The following FNDC3B variants were observed in gnomAD, a reference collection of about 807,000 sequenced individuals.
The protein encoded by FNDC3B is fibronectin type III domain containing 3B, also known as fibronectin type III domain-containing protein 3B.
In FNDC3B, 12 loss-of-function variants were observed where a neutral mutation model predicts 151.5. The observed-to-expected ratio is 0.08, with a 90% CI of 0.05 to 0.13. The LOEUF (loss-of-function observed/expected upper bound fraction) is 0.13. Among genes scored for constraint, FNDC3B ranks in the 10% least tolerant of loss-of-function variants. The probability of loss-of-function intolerance (pLI) is 1.00; values close to 1 mark genes in which losing one functional copy is unlikely to be tolerated. For missense variants in FNDC3B, 1,214 were observed against 1,505.3 expected, an observed-to-expected ratio of 0.81 and a Z score of 3.20; for synonymous variants, 528 against 549.0, an observed-to-expected ratio of 0.96 and a Z score of 0.54.
At chr3:172,099,087 G>A (rs1302541683) in intron 1 of FNDC3B, among the ~76,000 whole-genome samples, 1 of 152,212 alleles carries the variant, frequency 6.6e-6, no homozygotes, top group Admixed American at 6.5e-5. Context: ...ATAGCGGCCA[G>A]TGGAAAATTA....
chr3:172,165,527 T>C (rs928609018), intron 3 of FNDC3B, among the ~76,000 whole-genome samples: 1 of 152,218 alleles, frequency 6.6e-6, no homozygotes, highest in African/African-American at 2.4e-5. Flanking sequence ...CAAAATATAG[T>C]TTATTGTTCC....
intron 25 of FNDC3B, among the ~76,000 whole-genome samples, chr3:172,392,349 T>C (rs1476075940): frequency 6.6e-6 from 1 of 152,178 alleles, no homozygotes; most frequent in Non-Finnish European, 1.5e-5. Flanking sequence ...AAAAGCAAGA[T>C]AAATCTGGAA....
At chr3:172,246,538 G>A (rs1001030911) in intron 4 of FNDC3B, among the ~76,000 whole-genome samples, 23 of 152,214 alleles carry the variant, frequency 1.5e-4, no homozygotes, top group African/African-American at 5.3e-4. Context: ...TGGCCACAGA[G>A]GCAATAAATA....
chr3:172,324,433 C>A (rs1408787647), intron 11 of FNDC3B, among the ~76,000 whole-genome samples: 3 of 152,162 alleles, frequency 2.0e-5, no homozygotes, highest in East Asian at 3.9e-4. Context: ...AGGTTGAGTG[C>A]GAAGAGGAAC....
chr3:172,320,645 C>T (rs531740764), intron 11 of FNDC3B, among the ~76,000 whole-genome samples: 1 of 152,268 alleles, frequency 6.6e-6, no homozygotes, highest in East Asian at 1.9e-4. Context: ...GTTGGAAATA[C>T]CCACTTCTAG....
intron 3 of FNDC3B, among the ~76,000 whole-genome samples, chr3:172,213,263 T>C (rs1286798549): frequency 6.6e-6 from 1 of 152,224 alleles, no homozygotes; most frequent in Non-Finnish European, 1.5e-5. Flanking sequence ...GTTTTACTCA[T>C]CTAAAAGTGA....
chr3:172,270,071 G>A (rs79694321), intron 6 of FNDC3B, among the ~76,000 whole-genome samples: 4,374 of 152,304 alleles, frequency 0.029, 209 homozygotes, highest in African/African-American at 0.1. Flanking sequence ...ATCAATTATT[G>A]TGAGACAAGT....
rs1355705002 is a variant in FNDC3B, at chr3:172,186,789, T to C, written c.188-40082T>C. ...CCCCCTTACCTTGTTCTCTCTCATG[T>C]TTCATGATCTGTGTCATAGATATTT... On this transcript the variant is annotated intron_variant, in intron 3 of 25. Transcript: ENST00000415807. 4.3e-6 allele frequency: 3 copies of C among 700,124 alleles called. No individual in the cohort carries two copies. The South Asian group carries it at 4.5e-5, about 10-fold the overall frequency. The allele number at this position is 700,124 out of a possible 1,614,324, so 43.4% of individuals were successfully genotyped here. A position where few individuals can be genotyped will look rare whatever the true frequency, so the allele number is the denominator to read the frequency against.
chr3:172,042,120 T>C (rs1468555376), intron 1 of FNDC3B, among the ~76,000 whole-genome samples: 1 of 152,238 alleles, frequency 6.6e-6, no homozygotes, highest in Non-Finnish European at 1.5e-5. Context: ...ATTTAAAAGA[T>C]GCTAAAACTG....
chr3:172,227,228 G>T, intron 4 of FNDC3B: 1 of 269,328 alleles, frequency 3.7e-6, no homozygotes, highest in Non-Finnish European at 7.0e-6. Flanking sequence ...GGAGTCTCCT[G>T]CTTCAGACAT....
intron 4 of FNDC3B, among the ~76,000 whole-genome samples, chr3:172,236,043 G>T (rs1030356450): frequency 6.6e-6 from 1 of 152,164 alleles, no homozygotes; most frequent in African/African-American, 2.4e-5. Context: ...GCCATCAAAT[G>T]TCTACTTACT....
chr3:172,218,683 G>A (rs1464868207), intron 3 of FNDC3B, among the ~76,000 whole-genome samples: 1 of 152,152 alleles, frequency 6.6e-6, no homozygotes, highest in African/African-American at 2.4e-5. Context: ...CATCCCTTTT[G>A]GTAGGCCAGT....
At chr3:172,361,922 T>G (rs1035963969) in intron 22 of FNDC3B, among the ~76,000 whole-genome samples, 1 of 152,190 alleles carries the variant, frequency 6.6e-6, no homozygotes, top group African/African-American at 2.4e-5. Context: ...TCCTCCTGCC[T>G]CGGCTTCTCA....
intron 7 of FNDC3B, among the ~76,000 whole-genome samples, chr3:172,288,462 G>T (rs1340887295): frequency 6.6e-6 from 1 of 152,214 alleles, no homozygotes; most frequent in East Asian, 1.9e-4. Context: ...TCAGTCAAAA[G>T]ATAACATTTC....
At chr3:172,043,882 A>G (rs1468428874) in intron 1 of FNDC3B, among the ~76,000 whole-genome samples, 1 of 152,256 alleles carries the variant, frequency 6.6e-6, no homozygotes, top group Non-Finnish European at 1.5e-5. Flanking sequence ...AAGAGTACAA[A>G]TAGGAAGCAA....
Position 172,397,686 on chromosome 3 carries a change from A to C in FNDC3B, c.*211A>C. 1 of 198,344 alleles carries C rather than the reference A, an allele frequency of 5.0e-6. No individual in the cohort carries two copies. The highest frequency in any genetic ancestry group is 7.8e-6 in the Non-Finnish European group (1 of 128,834). The allele number at this position is 198,344 out of a possible 1,614,324, so 12.3% of individuals were successfully genotyped here. On this transcript the variant is annotated 3_prime_UTR_variant, in exon 26 of 26. Coordinates refer to ENST00000415807, the MANE Select transcript of FNDC3B (RefSeq NM_022763.4). ...CTGGATTTTTTTTTTTAAAAAAAAGAAAAAAAAAGAAGAAAAGTATACCAG... is the reference window on the plus strand; with the variant it reads ...CTGGATTTTTTTTTTTAAAAAAAAGCAAAAAAAAGAAGAAAAGTATACCAG...
chr3:172,064,154 T>C (rs1717369768), intron 1 of FNDC3B, among the ~76,000 whole-genome samples: 1 of 152,002 alleles, frequency 6.6e-6, no homozygotes, highest in South Asian at 2.1e-4. Context: ...AATAGATAGA[T>C]AGATTAGATA....
intron 3 of FNDC3B, among the ~76,000 whole-genome samples, chr3:172,156,600 A>G (rs932027587): frequency 2.6e-5 from 4 of 152,216 alleles, no homozygotes; most frequent in Admixed American, 2.6e-4. Flanking sequence ...AAGATCTTCA[A>G]CGTTTCTTTG....
intron 21 of FNDC3B, among the ~76,000 whole-genome samples, chr3:172,351,622 T>G (rs1021220894): frequency 1.8e-4 from 27 of 152,208 alleles, no homozygotes; most frequent in African/African-American, 5.8e-4. Context: ...CTCTGATTGC[T>G]GTGAATTTAG....
Sources: gnomAD v4.1 joint callset for allele counts (sites outside exome capture counted in the v4.1 genomes callset) on GRCh38, gnomAD v4.1.1 for gene constraint, MANE v1.5 for transcripts, NCBI Gene and HGNC (gene_info 2026-07-23, HGNC 2026-07-21) for gene names.